The following HTR3B variants were observed in gnomAD, a reference collection of about 807,000 sequenced individuals.
HTR3B encodes the protein 5-hydroxytryptamine receptor 3B.
Under a neutral mutation model 42.8 loss-of-function variants are expected in HTR3B, and 44 were observed. The observed-to-expected ratio is 1.03, with a 90% CI of 0.81 to 1.32. HTR3B has a LOEUF of 1.32. Among genes scored for constraint, HTR3B ranks in the 40% most tolerant of loss-of-function variants. HTR3B has a pLI of 0.00. For synonymous variants in HTR3B, 203 were observed against 209.0 expected, an observed-to-expected ratio of 0.97 and a Z score of 0.25; for missense variants, 527 against 536.5, an observed-to-expected ratio of 0.98 and a Z score of 0.17.
At position 113,932,260 on chromosome 11, in the gene HTR3B, GACA is replaced by G. The variant is rs772273924; in HGVS notation, c.369-24_369-22del. The G allele has an allele frequency of 2.2e-5, 35 of 1,583,906 alleles. No individual in the cohort carries two copies. In the South Asian group the frequency reaches 3.4e-4, roughly 15 times the overall value. On this transcript the variant is annotated intron_variant, in intron 4 of 8. Coordinates refer to ENST00000260191, the MANE Select transcript of HTR3B (RefSeq NM_006028.5). ...TTGAAATGACCAACATCCTCTCTGT[GACA>G]ACAAGTTCTCTTGTGTTTCATATAG...
chr11:113,902,785 G>A (rs1949704536), upstream of HTR3B, among the ~76,000 whole-genome samples: 1 of 152,186 alleles, frequency 6.6e-6, no homozygotes, highest in Non-Finnish European at 1.5e-5. Flanking sequence ...ATCCAATTCA[G>A]AATCAGATAT....
intron 2 of HTR3B, among the ~76,000 whole-genome samples, chr11:113,912,367 CG>C (rs1286596680): frequency 6.6e-6 from 1 of 152,154 alleles, no homozygotes; most frequent in Non-Finnish European, 1.5e-5. Flanking sequence ...CCTCAGCCTC[CG>C]GAACAGCTGG....
intron 2 of HTR3B, among the ~76,000 whole-genome samples, chr11:113,911,318 C>T (rs1353023259): frequency 6.6e-6 from 1 of 151,956 alleles, no homozygotes; most frequent in Non-Finnish European, 1.5e-5. Flanking sequence ...GCAACCTCTG[C>T]CTCCCGGGTT....
chr11:113,905,436 T>C (rs758241642), intron 1 of HTR3B, among the ~76,000 whole-genome samples: 27 of 152,188 alleles, frequency 1.8e-4, no homozygotes, highest in Non-Finnish European at 3.1e-4. Context: ...TGGCTACAGA[T>C]ATATGTATAT....
chr11:113,932,543 C>A, intron 5 of HTR3B, 85 bp downstream of exon 5: 1 of 1,166,252 alleles, frequency 8.6e-7, no homozygotes, highest in South Asian at 1.5e-5. Flanking sequence ...CTATTTTATT[C>A]TTGCAGATAA....
chr11:113,906,649 C>T (rs1248993999), intron 1 of HTR3B, among the ~76,000 whole-genome samples: 1 of 152,186 alleles, frequency 6.6e-6, no homozygotes, highest in African/African-American at 2.4e-5. Context: ...CCAGGTTACA[C>T]TTAATCATGT....
chr11:113,901,732 A>G (rs1949698898), upstream of HTR3B, among the ~76,000 whole-genome samples: 1 of 152,186 alleles, frequency 6.6e-6, no homozygotes, highest in African/African-American at 2.4e-5. Flanking sequence ...CATCATTAGT[A>G]ATGGCCTTCC....
At chr11:113,943,762 A>C (rs747084420) in intron 7 of HTR3B, among the ~76,000 whole-genome samples, 2 of 151,452 alleles carry the variant, frequency 1.3e-5, no homozygotes, top group Non-Finnish European at 2.9e-5. Flanking sequence ...GCAGTGAGCT[A>C]TGATCCCACC....
chr11:113,945,523 G>A (rs1005189639), intron 8 of HTR3B, among the ~76,000 whole-genome samples: 7 of 152,172 alleles, frequency 4.6e-5, no homozygotes, highest in Admixed American at 1.3e-4. Context: ...TGGCATGCAC[G>A]TGCACACATG....
Position 113,946,909 on chromosome 11 carries a change from G to C in HTR3B, c.*772G>C, listed in dbSNP as rs1416767304. On this transcript the variant is annotated 3_prime_UTR_variant, in exon 9 of 9. Coordinates refer to ENST00000260191, the MANE Select transcript of HTR3B (RefSeq NM_006028.5). ...AGGCACACCAGAGAATACAAAATAA[G>C]TCAGCACAGGTTATTATTCACTTGT... Among the ~76,000 whole-genome samples, 1 of 152,176 alleles carries C rather than the reference G, an allele frequency of 6.6e-6. No homozygotes were observed. The highest frequency in any genetic ancestry group is 1.5e-5 in the Non-Finnish European group (1 of 68,030).
At chr11:113,931,098 A>G (rs750483651) in intron 2 of HTR3B, among the ~76,000 whole-genome samples, 1 of 152,214 alleles carries the variant, frequency 6.6e-6, no homozygotes, top group African/African-American at 2.4e-5. Flanking sequence ...GATTAATGGT[A>G]GAGTAACTAA....
intron 2 of HTR3B, among the ~76,000 whole-genome samples, chr11:113,927,984 G>C (rs1332550040): frequency 1.3e-5 from 2 of 152,108 alleles, no homozygotes; most frequent in Non-Finnish European, 2.9e-5. Context: ...CCATCACCTA[G>C]GTATTAAGCT....
At chr11:113,944,786 T>A (rs1178716206) in intron 8 of HTR3B, 31 bp downstream of exon 8, 9 of 1,595,484 alleles carry the variant, frequency 5.6e-6, no homozygotes, top group Non-Finnish European at 7.7e-6. Context: ...TTCTCCCCCG[T>A]CTGGATTGAT....
At chr11:113,919,806 C>T (rs1786441203) in intron 2 of HTR3B, among the ~76,000 whole-genome samples, 1 of 150,996 alleles carries the variant, frequency 6.6e-6, no homozygotes, top group African/African-American at 2.4e-5. Flanking sequence ...CCAGCCTGGG[C>T]AACAAGAGCA....
intron 2 of HTR3B, among the ~76,000 whole-genome samples, chr11:113,928,492 A>G (rs1363009430): frequency 6.6e-6 from 1 of 152,112 alleles, no homozygotes; most frequent in Non-Finnish European, 1.5e-5. Context: ...TTCACTTCCC[A>G]TCATGTTCTC....
At chr11:113,944,252 T>C (rs1950159270) in intron 7 of HTR3B, among the ~76,000 whole-genome samples, 3 of 152,054 alleles carry the variant, frequency 2.0e-5, no homozygotes, top group Non-Finnish European at 1.5e-5. Flanking sequence ...TCTCCTGACC[T>C]TGTGATCCAC....
At chr11:113,911,069 A>G (rs923732643) in intron 2 of HTR3B, among the ~76,000 whole-genome samples, 111 of 151,266 alleles carry the variant, frequency 7.3e-4, no homozygotes, top group African/African-American at 2.6e-3. Flanking sequence ...CTCGTGATCC[A>G]TCTGCCTCAG....
chr11:113,900,545 G>C (rs968418499), upstream of HTR3B, among the ~76,000 whole-genome samples: 1 of 152,156 alleles, frequency 6.6e-6, no homozygotes, highest in East Asian at 1.9e-4. Context: ...CCAGGCTGGA[G>C]TGCAATGACG....
intron 7 of HTR3B, among the ~76,000 whole-genome samples, chr11:113,943,795 A>AGGT (rs1234190689): frequency 1.5e-4 from 23 of 151,500 alleles, no homozygotes; most frequent in African/African-American, 4.9e-4. Flanking sequence ...CCTGGGTGAC[A>AGGT]GAGCAAGAAC....
Sources: allele counts gnomAD v4.1 joint callset (sites outside exome capture counted in the v4.1 genomes callset), GRCh38; gene constraint gnomAD v4.1.1; transcripts MANE v1.5; gene names NCBI Gene and HGNC (gene_info 2026-07-23, HGNC 2026-07-21).